Variants in HMGB1 observed in about 807,000 individuals in gnomAD.
HMGB1 encodes high mobility group box 1.
For synonymous variants in HMGB1, 81 were observed against 84.0 expected (o/e 0.96, Z 0.19); for missense variants, 79 against 253.5 (o/e 0.31, Z 4.67).
At chr13:30,588,488 C>A (rs1199533912) in intron 1 of HMGB1, among the ~76,000 whole-genome samples, 1 of 152,072 alleles carries the variant, frequency 6.6e-6, no homozygotes, top group Non-Finnish European at 1.5e-5. Context: ...AAGAAATCTT[C>A]CTCTGCAGCG....
rs376456585 is a variant in HMGB1 at position 30,518,718 on chromosome 13, T to G, written c.-14-55024A>C. Among the ~76,000 whole-genome samples, 4 of 151,842 alleles carry G rather than the reference T, an allele frequency of 2.6e-5. No homozygotes were observed. In the East Asian group the frequency reaches 7.7e-4, roughly 29 times the overall value. On this transcript the variant is annotated intron_variant, in intron 1 of 4. Transcript: ENST00000405805. ...CTTAACATTCATAGAAACCTTTTTT[T>G]TTTTGATTCAGGGTCTCACTCTCTT...
intron 1 of HMGB1, among the ~76,000 whole-genome samples, chr13:30,606,295 T>C (rs1213200413): frequency 6.6e-6 from 1 of 152,134 alleles, no homozygotes; most frequent in African/African-American, 2.4e-5. Context: ...TTTCAGAAAA[T>C]CAATTATTCC....
At chr13:30,571,122 T>C (rs1413370586) in intron 1 of HMGB1, among the ~76,000 whole-genome samples, 2 of 152,166 alleles carry the variant, frequency 1.3e-5, no homozygotes, top group South Asian at 2.1e-4. Context: ...AAAAATCTTA[T>C]TCTGATTAGG....
At chr13:30,549,275 G>A (rs4769843) in intron 1 of HMGB1, among the ~76,000 whole-genome samples, 150,590 of 152,286 alleles carry the variant, frequency 0.99, 74,490 homozygotes, top group East Asian at 1. Flanking sequence ...AGAGTGAGAT[G>A]CTGTCTGAAT....
chr13:30,566,096 G>A (rs1056062146), intron 1 of HMGB1, among the ~76,000 whole-genome samples: 1 of 152,176 alleles, frequency 6.6e-6, no homozygotes, highest in Non-Finnish European at 1.5e-5. Flanking sequence ...CAGCTGACAA[G>A]GGCTTGTACT....
chr13:30,589,111 T>C lies in HMGB1; in HGVS notation c.-15+27560A>G, dbSNP rs374233492. Among the ~76,000 whole-genome samples, 4 of 151,270 alleles carry C rather than the reference T, an allele frequency of 2.6e-5. No homozygotes were observed. The East Asian group carries it at 6.1e-4, about 23-fold the overall frequency. On this transcript the variant is annotated intron_variant, in intron 1 of 4. Coordinates refer to the HMGB1 transcript ENST00000405805. ...ACCTCTGTCTCCCAGGTTTAAGCGA[T>C]TCTCCAGCCTCAGCCTCCCGAGTAG...
At chr13:30,556,377 C>T (rs1869689511) in intron 1 of HMGB1, among the ~76,000 whole-genome samples, 1 of 152,136 alleles carries the variant, frequency 6.6e-6, no homozygotes, top group African/African-American at 2.4e-5. Context: ...GCACTCTAGC[C>T]TGGGCAACAA....
intron 1 of HMGB1, among the ~76,000 whole-genome samples, chr13:30,547,308 A>G (rs1175235746): frequency 6.6e-6 from 1 of 152,178 alleles, no homozygotes; most frequent in Non-Finnish European, 1.5e-5. Context: ...TTACCCTCCC[A>G]TTTCATAAAA....
intron 1 of HMGB1, among the ~76,000 whole-genome samples, chr13:30,551,891 T>C (rs1297054185): frequency 6.6e-6 from 1 of 152,156 alleles, no homozygotes; most frequent in Non-Finnish European, 1.5e-5. Context: ...GTATTTTCTG[T>C]AGAGACGGGG....
chr13:30,467,956 T>TA (rs1886837991), upstream of HMGB1, among the ~76,000 whole-genome samples: 1 of 152,176 alleles, frequency 6.6e-6, no homozygotes, highest in African/African-American at 2.4e-5. Flanking sequence ...GACAGGATGA[T>TA]ATGGTGAGTA....
At chr13:30,582,716 G>A (rs1398813963) in intron 1 of HMGB1, among the ~76,000 whole-genome samples, 24 of 152,000 alleles carry the variant, frequency 1.6e-4, no homozygotes, top group Non-Finnish European at 3.2e-4. Flanking sequence ...GGCCATAGCT[G>A]TTTAAATCAA....
At chr13:30,550,642 C>T (rs748251841) in intron 1 of HMGB1, among the ~76,000 whole-genome samples, 14 of 152,196 alleles carry the variant, frequency 9.2e-5, no homozygotes, top group Non-Finnish European at 2.1e-4. Flanking sequence ...CGGGCCACCT[C>T]CTCTTTTGCC....
chr13:30,575,366 C>G (rs944709755), intron 1 of HMGB1, among the ~76,000 whole-genome samples: 1 of 152,138 alleles, frequency 6.6e-6, no homozygotes, highest in Non-Finnish European at 1.5e-5. Flanking sequence ...ATTTGTGAGT[C>G]TAAAGGTTCA....
chr13:30,508,251 C>T (rs1265893227), intron 1 of HMGB1, among the ~76,000 whole-genome samples: 1 of 152,094 alleles, frequency 6.6e-6, no homozygotes, highest in Non-Finnish European at 1.5e-5. Context: ...GTGGCTCATG[C>T]CTGTAATCTC....
At chr13:30,552,599 T>C (rs1869479094) in intron 1 of HMGB1, among the ~76,000 whole-genome samples, 1 of 152,206 alleles carries the variant, frequency 6.6e-6, no homozygotes, top group South Asian at 2.1e-4. Context: ...GCACACACTA[T>C]CATATTGTCT....
In HMGB1 at chr13:30,475,072, G is replaced by A. The variant is rs1423673736; in HGVS notation, c.-14-11378C>T. 1.7e-3 allele frequency among the ~76,000 whole-genome samples: 152 copies of A among 88,730 alleles called. 1 individual carries two copies. Among genetic ancestry groups the A allele is most frequent in the African/African-American group, 6.8e-3 (144 of 21,240 alleles). The allele number at this position is 88,730 out of a possible 152,430, so 58.2% of individuals were successfully genotyped here. A position where few individuals can be genotyped will look rare whatever the true frequency, so the allele number is the denominator to read the frequency against. On this transcript the variant is annotated intron_variant, in intron 1 of 4. Coordinates refer to the HMGB1 transcript ENST00000405805. Reference sequence around the variant, plus strand: ...TTTTTTTTTTTTTTGAGACAGTCTCGCTCTGTCGCCTAGGCTGGAGTGCAG... The same window carrying A: ...TTTTTTTTTTTTTTGAGACAGTCTCACTCTGTCGCCTAGGCTGGAGTGCAG...
In HMGB1 at chr13:30,600,886, T is replaced by C. The variant is rs560632666; in HGVS notation, c.-15+15785A>G. On this transcript the variant is annotated intron_variant, in intron 1 of 4. Transcript: ENST00000405805. ...AAATGAACATCTCAGAGCTTGTTGA[T>C]AGCAAAGGAGAGATTGAAACTGTCA... is the stretch of plus-strand genomic sequence containing the variant. Among the ~76,000 whole-genome samples the C allele has an allele frequency of 1.6e-4, 24 of 152,296 alleles. No individual in the cohort carries two copies. In the South Asian group the frequency reaches 3.7e-3, roughly 24 times the overall value.
intron 1 of HMGB1, chr13:30,543,117 G>GTTTTTT (rs141061407): frequency 1.2e-5 from 1 of 84,240 alleles, no homozygotes; most frequent in African/African-American, 4.6e-5. Flanking sequence ...CCTGTTCCAG[G>GTTTTTT]TTTTTTTTTT....
At chr13:30,505,370 G>A (rs556937307) in intron 1 of HMGB1, among the ~76,000 whole-genome samples, 1 of 152,070 alleles carries the variant, frequency 6.6e-6, no homozygotes, top group Non-Finnish European at 1.5e-5. Context: ...AGTAGAGACA[G>A]GGTTTCACCG....
Sources: gnomAD v4.1 joint callset for allele counts (sites outside exome capture counted in the v4.1 genomes callset) on GRCh38, gnomAD v4.1.1 for gene constraint, MANE v1.5 for transcripts, NCBI Gene and HGNC (gene_info 2026-07-23, HGNC 2026-07-21) for gene names.